ERCC8: variants seen among roughly 807,000 people sequenced by gnomAD.
ERCC8 encodes ERCC excision repair 8, CSA ubiquitin ligase complex subunit, also known as DNA excision repair protein ERCC-8.
In ERCC8, 52 loss-of-function variants were observed where a neutral mutation model predicts 54.9. The ratio of observed to expected loss-of-function variants is 0.95; its 90% confidence interval spans 0.76 to 1.19. The LOEUF is 1.19. Ranked by LOEUF, ERCC8 falls within the 50% of genes most tolerant of loss-of-function variation. The probability of loss-of-function intolerance (pLI) is 0.00; values close to 1 mark genes in which losing one functional copy is unlikely to be tolerated. For synonymous variants in ERCC8, 146 were observed against 157.2 expected (o/e 0.93, Z 0.53); for missense variants, 514 against 466.1 (o/e 1.10, Z -0.95).
At chr5:60,927,546 G>A (rs1297965760) in intron 2 of ERCC8, among the ~76,000 whole-genome samples, 2 of 152,264 alleles carry the variant, frequency 1.3e-5, no homozygotes, top group African/African-American at 4.8e-5. Context: ...CATATAATCT[G>A]TAACTTCCCA....
intron 2 of ERCC8, among the ~76,000 whole-genome samples, chr5:60,928,622 G>A (rs1749818507): frequency 6.6e-6 from 1 of 152,030 alleles, no homozygotes; most frequent in Non-Finnish European, 1.5e-5. Context: ...GAAGTTCAAT[G>A]TTTGTTAATT....
intron 1 of ERCC8, among the ~76,000 whole-genome samples, chr5:60,940,565 TC>T (rs1750227830): frequency 6.6e-6 from 1 of 152,146 alleles, no homozygotes; most frequent in Non-Finnish European, 1.5e-5. Flanking sequence ...AGGAAAGTGA[TC>T]CCATAAAGTT....
intron 9 of ERCC8, among the ~76,000 whole-genome samples, chr5:60,895,873 GAA>G (rs1466683795): frequency 3.3e-5 from 5 of 152,192 alleles, no homozygotes; most frequent in Admixed American, 3.3e-4. Flanking sequence ...ATATGAACTG[GAA>G]AGTGTTGAAT....
In ERCC8 at chr5:60,880,162, A is replaced by C. The variant is rs536721469; in HGVS notation, c.1123-5479T>G. Reference sequence around the variant, plus strand: ...CTGGATATGAAATTCTGGGTTGAAAATTCTTCTCTTTAAGAATGTTGAATA... The same window carrying C: ...CTGGATATGAAATTCTGGGTTGAAACTTCTTCTCTTTAAGAATGTTGAATA... On this transcript the variant is annotated intron_variant, in intron 11 of 11. Transcript: ENST00000676185. 2.9e-3 allele frequency among the ~76,000 whole-genome samples: 442 copies of C among 152,260 alleles called. 2 individuals are homozygous for C. The highest frequency in any genetic ancestry group is 0.01 in the African/African-American group (421 of 41,530).
At chr5:60,879,270 A>G (rs2112459604) in intron 11 of ERCC8, among the ~76,000 whole-genome samples, 1 of 152,250 alleles carries the variant, frequency 6.6e-6, no homozygotes, top group South Asian at 2.1e-4. Flanking sequence ...ACATTTGCTG[A>G]GGAGAGCTTT....
chr5:60,906,208 G>T (rs2112497176), intron 4 of ERCC8, among the ~76,000 whole-genome samples: 1 of 152,098 alleles, frequency 6.6e-6, no homozygotes, highest in Middle Eastern at 3.4e-3. Context: ...GCTAATTTTT[G>T]TATTTTTGGT....
chr5:60,889,519 T>C (rs111266849), intron 10 of ERCC8, among the ~76,000 whole-genome samples: 3,657 of 152,260 alleles, frequency 0.024, 62 homozygotes, highest in Non-Finnish European at 0.037. Flanking sequence ...TCACCTAGGC[T>C]GGCCTGGAAC....
rs138173863 is a variant in ERCC8, at chr5:60,890,907, T to A, written c.1023A>T (p.Val341=). 2.7e-5 allele frequency: 43 copies of A among 1,613,196 alleles called. 1 individual carries two copies. In the Middle Eastern group the frequency reaches 4.9e-4, roughly 19 times the overall value. ...CTCTTACCTGGAAATTTGACTGAAA[T>A]ACACAGCAGTCAACAGTTTTATAAT... ...KGHYKTVDCC[V]FQSNFQELYS... is the part of the protein sequence containing the mutation. The change falls in exon 10 of 12, where the codon GTA becomes GTT. Residue 341 remains valine, a synonymous_variant. Coordinates refer to ENST00000676185, the MANE Select transcript of ERCC8 (RefSeq NM_000082.4).
intron 9 of ERCC8, chr5:60,892,836 C>T (rs1748605368): frequency 7.3e-6 from 5 of 687,320 alleles, no homozygotes; most frequent in Non-Finnish European, 1.3e-5. Flanking sequence ...TCCCACACTG[C>T]ATGCATGGCT....
Position 60,899,656 on chromosome 5 carries a change from T to C in ERCC8, c.689A>G (p.Asn230Ser). 1 of 1,611,972 alleles carries C rather than the reference T, an allele frequency of 6.2e-7. No homozygotes were observed. Residue 230 changes from asparagine to serine, a missense_variant, in exon 8 of 12, where the codon AAT becomes AGT. Physicochemically the swap from Asn to Ser is conservative, Grantham distance 46 (BLOSUM62 1). Coordinates refer to ENST00000676185, the MANE Select transcript of ERCC8 (RefSeq NM_000082.4). ...SGCLITLDQH[N>S]GKKSQAVESA... Reference sequence around the variant, plus strand: ...TTCAACAGCTTGTGACTTTTTCCCATTATGTTGATCAAGAGTAATCAAACA... The same window carrying C: ...TTCAACAGCTTGTGACTTTTTCCCACTATGTTGATCAAGAGTAATCAAACA...
chr5:60,909,243 G>GAAAAAA lies in ERCC8; in HGVS notation c.400-4376_400-4371dup, dbSNP rs60064294. On this transcript the variant is annotated intron_variant, in intron 4 of 11. Transcript: ENST00000676185. ...AATGCAGACAAAAATGCCCTATTCT[G>GAAAAAA]AAAAAAAAAAAAAAAAAAAAAAAAA... Among the ~76,000 whole-genome samples, 14 of 19,942 alleles carry GAAAAAA rather than the reference G, an allele frequency of 7.0e-4. 2 individuals are homozygous for GAAAAAA. Among genetic ancestry groups the GAAAAAA allele is most frequent in the African/African-American group, 2.4e-3 (14 of 5,834 alleles). 13.1% of individuals were successfully genotyped at this position (19,942 alleles called of 152,430 possible).
At chr5:60,927,432 C>T (rs1486250778) in intron 2 of ERCC8, among the ~76,000 whole-genome samples, 11 of 152,268 alleles carry the variant, frequency 7.2e-5, no homozygotes, top group East Asian at 1.9e-4. Flanking sequence ...AGACTTTTAC[C>T]GTGCAATAAA....
chr5:60,874,618 T>C lies in ERCC8; in HGVS notation c.1188A>G (p.Gly396=). The C allele has an allele frequency of 1.9e-6, 3 of 1,613,350 alleles. No individual in the cohort carries two copies. Among genetic ancestry groups the C allele is most frequent in the East Asian group, 2.2e-5 (1 of 44,828 alleles). The stretch of plus-strand genomic sequence containing the variant: ...AAAAAGGTACTAAAGATGATATTCA[T>C]CCTTCTTCATCACTGCTGCTCCAGG... ...EDAWSSSDEE[G] Residue 396 remains glycine, a synonymous_variant, in exon 12 of 12, where the codon GGA becomes GGG. Coordinates refer to ENST00000676185, the MANE Select transcript of ERCC8 (RefSeq NM_000082.4).
intron 11 of ERCC8, among the ~76,000 whole-genome samples, chr5:60,886,651 A>G (rs4647135): frequency 0.85 from 128,831 of 151,320 alleles, 55,286 homozygotes; most frequent in African/African-American, 0.96. Context: ...GCAGTGAGCC[A>G]AGATCACGCC....
chr5:60,889,599 C>G (rs1748488988), intron 10 of ERCC8, among the ~76,000 whole-genome samples: 1 of 152,168 alleles, frequency 6.6e-6, no homozygotes, highest in African/African-American at 2.4e-5. Context: ...CTGTGCGCAG[C>G]CATTGTCACG....
Position 60,904,634 on chromosome 5 carries a change from G to GTATA in ERCC8, c.481+154_481+157dup, listed in dbSNP as rs869039109. 3.5e-3 allele frequency among the ~76,000 whole-genome samples: 172 copies of GTATA among 49,760 alleles called. 1 individual carries two copies. The highest frequency in any genetic ancestry group is 5.4e-3 in the African/African-American group (64 of 11,804). The allele number at this position is 49,760 out of a possible 152,430, so 32.6% of individuals were successfully genotyped here. A position where few individuals can be genotyped will look rare whatever the true frequency, so the allele number is the denominator to read the frequency against. On this transcript the variant is annotated intron_variant, in intron 5 of 11. Transcript: ENST00000676185. ...TTGAATATATATAGTGTGTGTGTGT[G>GTATA]TATATATATATATATATATATATAT...
intron 11 of ERCC8, among the ~76,000 whole-genome samples, chr5:60,877,950 T>A (rs375581283): frequency 1.9e-4 from 29 of 152,220 alleles, no homozygotes; most frequent in African/African-American, 4.8e-4. Flanking sequence ...GTCTTGTGCC[T>A]GTTTTCAAAG....
Position 60,891,013 on chromosome 5 carries a change from T to C in ERCC8, c.917A>G (p.Glu306Gly). 1 of 1,613,592 alleles carries C rather than the reference T, an allele frequency of 6.2e-7. No individual in the cohort carries two copies. The highest frequency in any genetic ancestry group is 8.5e-7 in the Non-Finnish European group (1 of 1,179,760). ...GCTACCATATGGTACAAAAACAAAT[T>C]CTGAACTGCAGCCACAGGAGACAGT... Reference protein sequence around the residue: ...KFTVSCGCSSEFVFVPYGSTI... With the variant: ...KFTVSCGCSSGFVFVPYGSTI... Residue 306 changes from glutamate (E) to glycine (G), a missense_variant, in exon 10 of 12, where the codon GAA becomes GGA. Glu to Gly is a moderately conservative substitution (Grantham distance 98). Transcript: ENST00000676185.
intron 1 of ERCC8, among the ~76,000 whole-genome samples, chr5:60,930,301 C>T (rs1281712931): frequency 6.6e-6 from 1 of 152,190 alleles, no homozygotes; most frequent in Non-Finnish European, 1.5e-5. Flanking sequence ...TGCGGCGGCT[C>T]ATGCCTGTTA....
Sources: allele counts gnomAD v4.1 joint callset (sites outside exome capture counted in the v4.1 genomes callset), GRCh38; gene constraint gnomAD v4.1.1; transcripts MANE v1.5; gene names NCBI Gene and HGNC (gene_info 2026-07-23, HGNC 2026-07-21).